Variants in TMEM178B observed in about 807,000 individuals in gnomAD.
TMEM178B encodes the protein transmembrane protein 178B.
Under a neutral mutation model 31.0 loss-of-function variants are expected in TMEM178B, and 5 were observed. The observed-to-expected ratio is 0.16, with a 90% CI of 0.08 to 0.34. The LOEUF (loss-of-function observed/expected upper bound fraction) is 0.34, where lower values mean the gene tolerates loss of function less well. Among genes scored for constraint, TMEM178B ranks in the 10% least tolerant of loss-of-function variants. The pLI, the probability that TMEM178B is intolerant of heterozygous loss-of-function variation, is 1.00. For missense variants in TMEM178B, 275 were observed against 400.3 expected (o/e 0.69, Z 2.67); for synonymous variants, 164 against 164.0 (o/e 1.00, Z 0.00).
At chr7:141,212,736 T>TCAG in intron 2 of TMEM178B, 32 bp downstream of exon 2, 2 of 1,505,894 alleles carry the variant, frequency 1.3e-6, no homozygotes, top group Non-Finnish European at 1.8e-6. Flanking sequence ...TGGCTGTGAC[T>TCAG]GTGCTGTGAG....
At position 141,474,563 on chromosome 7, in the gene TMEM178B, ACTC is replaced by A. The variant is rs1337178629; in HGVS notation, c.*3782_*3784del. The A allele has an allele frequency of 1.3e-5, 2 of 152,078 alleles. No homozygotes were observed. Among genetic ancestry groups the A allele is most frequent in the Non-Finnish European group, 2.9e-5 (2 of 68,022 alleles). 9.4% of individuals were successfully genotyped at this position (152,078 alleles called of 1,614,324 possible). A position where few individuals can be genotyped will look rare whatever the true frequency, so the allele number is the denominator to read the frequency against. ...ATCATGGAGTCACAGAGACTGGACAACTCCTCCAAATCTAGACAAAGACTTTCT... is the reference window on the plus strand; with the variant it reads ...ATCATGGAGTCACAGAGACTGGACAACTCCAAATCTAGACAAAGACTTTCT... On this transcript the variant is annotated 3_prime_UTR_variant, in exon 4 of 4. Coordinates refer to ENST00000565468, the MANE Select transcript of TMEM178B (RefSeq NM_001195278.2).
intron 2 of TMEM178B, among the ~76,000 whole-genome samples, chr7:141,320,856 G>A (rs1799086627): frequency 6.6e-6 from 1 of 152,128 alleles, no homozygotes. Flanking sequence ...TTCAGACCTG[G>A]GTTATCTGAG....
chr7:141,266,770 T>C (rs1474661909), intron 2 of TMEM178B, among the ~76,000 whole-genome samples: 4 of 152,344 alleles, frequency 2.6e-5, no homozygotes, highest in Non-Finnish European at 4.4e-5. Flanking sequence ...TTTTCAGAAA[T>C]ACCGCATTGC....
intron 3 of TMEM178B, among the ~76,000 whole-genome samples, chr7:141,467,537 C>T (rs1802166372): frequency 6.6e-6 from 1 of 152,090 alleles, no homozygotes; most frequent in Admixed American, 6.5e-5. Context: ...CAGACTTGCC[C>T]CTTCCCCCTG....
chr7:141,158,386 A>G (rs2129181298), intron 1 of TMEM178B, among the ~76,000 whole-genome samples: 1 of 152,320 alleles, frequency 6.6e-6, no homozygotes, highest in East Asian at 1.9e-4. Flanking sequence ...ATGAGCCACC[A>G]TGCTTGGCCC....
intron 2 of TMEM178B, among the ~76,000 whole-genome samples, chr7:141,226,103 C>T (rs1333920175): frequency 6.6e-6 from 1 of 152,154 alleles, no homozygotes; most frequent in African/African-American, 2.4e-5. Flanking sequence ...GTTCCATCCA[C>T]CACCCCATCC....
chr7:141,199,716 G>A (rs952032576), intron 1 of TMEM178B, among the ~76,000 whole-genome samples: 110 of 152,044 alleles, frequency 7.2e-4, no homozygotes, highest in African/African-American at 2.6e-3. Context: ...CCTCCAAGAA[G>A]CTGAAACTAC....
At chr7:141,161,021 C>A (rs1249960147) in intron 1 of TMEM178B, among the ~76,000 whole-genome samples, 1 of 152,016 alleles carries the variant, frequency 6.6e-6, no homozygotes, top group African/African-American at 2.4e-5. Context: ...CCATGCCTGG[C>A]TAATTTTGTA....
chr7:141,488,472 G>A, the TMEM178B span, among the ~76,000 whole-genome samples: 3 of 150,724 alleles, frequency 2.0e-5, no homozygotes, highest in Non-Finnish European at 4.4e-5. Flanking sequence ...ACAGAGTCTC[G>A]CTCTGTCACC....
rs187179404 is a variant in TMEM178B, at chr7:141,188,918, G to T, written c.383-23673G>T. 2.0e-5 allele frequency among the ~76,000 whole-genome samples: 3 copies of T among 152,340 alleles called. No homozygotes were observed. In the East Asian group the frequency reaches 5.8e-4, roughly 29 times the overall value. The stretch of plus-strand genomic sequence containing the variant: ...TTCATTGGTAATGCTGAGCTAGAAG[G>T]TGTCCCTGAATCCAGCCGCCTGAGG... On this transcript the variant is annotated intron_variant, in intron 1 of 3. Transcript: ENST00000565468.
chr7:141,102,131 A>G (rs545741017), intron 1 of TMEM178B, among the ~76,000 whole-genome samples: 3 of 152,202 alleles, frequency 2.0e-5, no homozygotes, highest in Non-Finnish European at 2.9e-5. Context: ...ATTGCCTGCA[A>G]TGCAGAGATT....
intron 1 of TMEM178B, among the ~76,000 whole-genome samples, chr7:141,188,862 A>G (rs1796653175): frequency 6.6e-6 from 1 of 152,190 alleles, no homozygotes; most frequent in Non-Finnish European, 1.5e-5. Context: ...ACTTACCCAA[A>G]CCTGAGAAAC....
chr7:141,103,813 A>T (rs1348181922), intron 1 of TMEM178B, among the ~76,000 whole-genome samples: 1 of 152,170 alleles, frequency 6.6e-6, no homozygotes, highest in East Asian at 1.9e-4. Context: ...CTGAAGATTT[A>T]TTGGCAGATT....
chr7:141,168,010 C>T (rs1375925279), intron 1 of TMEM178B, among the ~76,000 whole-genome samples: 1 of 152,222 alleles, frequency 6.6e-6, no homozygotes, highest in Non-Finnish European at 1.5e-5. Flanking sequence ...CAGCCAGACT[C>T]TTCTATAGAT....
chr7:141,448,878 C>T (rs1438113146), intron 3 of TMEM178B, among the ~76,000 whole-genome samples: 1 of 152,100 alleles, frequency 6.6e-6, no homozygotes, highest in East Asian at 1.9e-4. Context: ...GAGTTGGGGT[C>T]CGTTGCTTCC....
intron 2 of TMEM178B, among the ~76,000 whole-genome samples, chr7:141,386,961 G>T (rs1800442650): frequency 6.6e-6 from 1 of 152,122 alleles, no homozygotes; most frequent in Non-Finnish European, 1.5e-5. Flanking sequence ...CAAAATCCCG[G>T]AAGAAAGAAG....
At chr7:141,252,359 C>G (rs1471604325) in intron 2 of TMEM178B, among the ~76,000 whole-genome samples, 1 of 152,168 alleles carries the variant, frequency 6.6e-6, no homozygotes, top group Non-Finnish European at 1.5e-5. Flanking sequence ...CTCACAGGTT[C>G]TGGAGTTCAG....
chr7:141,345,679 G>A (rs551648389), intron 2 of TMEM178B, among the ~76,000 whole-genome samples: 2 of 152,254 alleles, frequency 1.3e-5, no homozygotes, highest in African/African-American at 4.8e-5. Context: ...ATGTGAAAAC[G>A]AACACTTATC....
intron 2 of TMEM178B, among the ~76,000 whole-genome samples, chr7:141,273,957 A>G (rs1798226725): frequency 6.6e-6 from 1 of 152,234 alleles, no homozygotes; most frequent in Non-Finnish European, 1.5e-5. Flanking sequence ...AGCCCCATCC[A>G]TACCACTTGG....
Sources: gnomAD v4.1 joint callset for allele counts (sites outside exome capture counted in the v4.1 genomes callset) on GRCh38, gnomAD v4.1.1 for gene constraint, MANE v1.5 for transcripts, NCBI Gene and HGNC (gene_info 2026-07-23, HGNC 2026-07-21) for gene names.